Variants in ABTB2 observed in about 807,000 individuals in gnomAD.
The protein encoded by ABTB2 is ankyrin repeat and BTB domain containing 2.
ABTB2 carries 56 observed loss-of-function variants against 104.1 expected under a neutral mutation model. The ratio of observed to expected loss-of-function variants is 0.54; its 90% CI spans 0.43 to 0.67. The LOEUF is 0.67. ABTB2 is among the 30% of genes least tolerant of loss of function. The probability of loss-of-function intolerance (pLI) is 0.00; values close to 1 mark genes in which losing one functional copy is unlikely to be tolerated. For missense variants in ABTB2, 1,279 were observed against 1,407.7 expected, an observed-to-expected ratio of 0.91 and a Z score of 1.46; for synonymous variants, 606 against 608.2, an observed-to-expected ratio of 1.00 and a Z score of 0.05.
At chr11:34,333,853 C>T (rs1405607682) in intron 1 of ABTB2, among the ~76,000 whole-genome samples, 8 of 152,104 alleles carry the variant, frequency 5.3e-5, no homozygotes, top group Admixed American at 3.9e-4. Flanking sequence ...CTCCCTAATT[C>T]CAAAACCTAT....
intron 1 of ABTB2, among the ~76,000 whole-genome samples, chr11:34,281,364 C>G (rs1371009480): frequency 6.6e-6 from 1 of 152,230 alleles, no homozygotes; most frequent in Non-Finnish European, 1.5e-5. Context: ...TTTAGCACAG[C>G]TGCCCACACC....
chr11:34,187,194 T>C (rs77545696), intron 3 of ABTB2, among the ~76,000 whole-genome samples: 2,351 of 152,324 alleles, frequency 0.015, 32 homozygotes, highest in Non-Finnish European at 0.02. Context: ...TTTGTCTAGA[T>C]GCTTCCAGCC....
intron 1 of ABTB2, among the ~76,000 whole-genome samples, chr11:34,238,465 A>G (rs1364710977): frequency 6.6e-6 from 1 of 152,234 alleles, no homozygotes; most frequent in East Asian, 1.9e-4. Context: ...CTATATTCTT[A>G]GTATCTAGCA....
In ABTB2 at chr11:34,164,812, T is replaced by TC; in HGVS notation, c.1861dup (p.Glu621GlyfsTer57). 6.3e-7 allele frequency: 1 copy of TC among 1,586,952 alleles called. No individual in the cohort carries two copies. On this transcript the variant is annotated frameshift_variant, in exon 9 of 17. Coordinates refer to ENST00000435224, the MANE Select transcript of ABTB2 (RefSeq NM_145804.3). LOFTEE classifies it high-confidence loss of function. ...TCGGCTCAGCAACAAACTGACCAGC[T>TC]CATAGTTCCCTGAAAGAGAAGGTGG...
At chr11:34,253,568 C>T (rs952915970) in intron 1 of ABTB2, among the ~76,000 whole-genome samples, 13 of 151,694 alleles carry the variant, frequency 8.6e-5, no homozygotes, top group Non-Finnish European at 1.6e-4. Context: ...CCCAGCTACT[C>T]GGGAGGCTGA....
intron 1 of ABTB2, among the ~76,000 whole-genome samples, chr11:34,343,458 G>GAC (rs34015970): frequency 8.3e-6 from 1 of 120,812 alleles, no homozygotes; most frequent in Non-Finnish European, 2.0e-5. Flanking sequence ...CAGACAGACA[G>GAC]ACACACACAC....
intron 1 of ABTB2, among the ~76,000 whole-genome samples, chr11:34,266,303 T>C (rs1377193819): frequency 6.6e-6 from 1 of 152,212 alleles, no homozygotes; most frequent in Non-Finnish European, 1.5e-5. Context: ...CAGTCTGGCC[T>C]TGAACTCCTG....
At chr11:34,265,767 G>A (rs1276736095) in intron 1 of ABTB2, among the ~76,000 whole-genome samples, 3 of 150,628 alleles carry the variant, frequency 2.0e-5, no homozygotes, top group African/African-American at 4.9e-5. Context: ...TCAGGAGTTC[G>A]AGACCAGCCT....
At chr11:34,332,329 C>T (rs1564934389) in intron 1 of ABTB2, among the ~76,000 whole-genome samples, 1 of 152,190 alleles carries the variant, frequency 6.6e-6, no homozygotes, top group Admixed American at 6.5e-5. Flanking sequence ...GCACAGTTCT[C>T]CCTTCTCCTC....
chr11:34,326,704 G>C (rs545375178), intron 1 of ABTB2, among the ~76,000 whole-genome samples: 1 of 151,012 alleles, frequency 6.6e-6, no homozygotes, highest in African/African-American at 2.4e-5. Context: ...AGAACAAACA[G>C]AAACAAATAA....
At chr11:34,322,704 C>T (rs753141159) in intron 1 of ABTB2, among the ~76,000 whole-genome samples, 10 of 152,004 alleles carry the variant, frequency 6.6e-5, no homozygotes, top group Non-Finnish European at 1.3e-4. Flanking sequence ...GCTTTTTTCT[C>T]TCTGTCACCC....
Position 34,152,354 on chromosome 11 carries a change from A to G in ABTB2, c.*33T>C. The G allele has an allele frequency of 1.3e-6, 2 of 1,539,104 alleles. No individual in the cohort carries two copies. Among genetic ancestry groups the G allele is most frequent in the Non-Finnish European group, 1.8e-6 (2 of 1,141,440 alleles). The stretch of plus-strand genomic sequence containing the variant: ...ACATGGTGGGCCCTGGCACCTCCAC[A>G]GGCCCTGGCCTCGGCAGCCTCCGCC... On this transcript the variant is annotated 3_prime_UTR_variant, in exon 17 of 17. Coordinates refer to ENST00000435224, the MANE Select transcript of ABTB2 (RefSeq NM_145804.3).
At chr11:34,289,751 T>C (rs966870358) in intron 1 of ABTB2, among the ~76,000 whole-genome samples, 3 of 152,114 alleles carry the variant, frequency 2.0e-5, no homozygotes, top group Admixed American at 2.0e-4. Context: ...AGAGTGGGTC[T>C]TGCCCTCAGC....
chr11:34,289,834 C>A (rs779291439), intron 1 of ABTB2, among the ~76,000 whole-genome samples: 3 of 152,164 alleles, frequency 2.0e-5, no homozygotes, highest in African/African-American at 7.2e-5. Context: ...TAAAAACACA[C>A]CCTCTAGGCA....
intron 1 of ABTB2, among the ~76,000 whole-genome samples, chr11:34,268,613 G>C (rs539673329): frequency 1.3e-5 from 2 of 152,222 alleles, no homozygotes; most frequent in South Asian, 4.1e-4. Flanking sequence ...CAGCCACTGC[G>C]TGAGTTTCCT....
intron 3 of ABTB2, among the ~76,000 whole-genome samples, chr11:34,181,432 T>C (rs912617862): frequency 1.3e-5 from 2 of 152,100 alleles, no homozygotes; most frequent in Non-Finnish European, 2.9e-5. Context: ...GGTTGGCAGA[T>C]GGGGCACAGG....
intron 1 of ABTB2, among the ~76,000 whole-genome samples, chr11:34,271,555 A>G (rs1854313922): frequency 6.6e-6 from 1 of 152,266 alleles, no homozygotes; most frequent in East Asian, 1.9e-4. Flanking sequence ...CCTGGGCAAC[A>G]CAGGGAGACT....
intron 14 of ABTB2, among the ~76,000 whole-genome samples, chr11:34,157,447 C>T (rs1473654185): frequency 1.3e-5 from 2 of 152,174 alleles, no homozygotes; most frequent in Non-Finnish European, 2.9e-5. Flanking sequence ...TGAGCACAGG[C>T]GACTGAGCCC....
At chr11:34,217,263 C>A (rs146182445) in intron 1 of ABTB2, among the ~76,000 whole-genome samples, 2 of 152,290 alleles carry the variant, frequency 1.3e-5, no homozygotes, top group African/African-American at 4.8e-5. Flanking sequence ...TGGGATAAGT[C>A]CTAATTTTGA....
Sources: gnomAD v4.1 joint callset for allele counts (sites outside exome capture counted in the v4.1 genomes callset) on GRCh38, gnomAD v4.1.1 for gene constraint, MANE v1.5 for transcripts, NCBI Gene and HGNC (gene_info 2026-07-23, HGNC 2026-07-21) for gene names.